The following DEF6 variants were observed in gnomAD, a reference collection of about 807,000 sequenced individuals.
The protein encoded by DEF6 is DEF6 guanine nucleotide exchange factor.
Under a neutral mutation model 80.5 loss-of-function variants are expected in DEF6, and 32 were observed. That is an observed-to-expected ratio of 0.40 (90% confidence interval 0.30 to 0.53). The LOEUF (loss-of-function observed/expected upper bound fraction) is 0.53, where lower values mean the gene tolerates loss of function less well. Among genes scored for constraint, DEF6 ranks in the 20% least tolerant of loss-of-function variants. DEF6 has a pLI of 0.57. For synonymous variants in DEF6, 300 were observed against 337.9 expected (o/e 0.89, Z 1.23); for missense variants, 575 against 818.7 (o/e 0.70, Z 3.63).
At chr6:35,316,408 T>A (rs899166361) in intron 5 of DEF6, among the ~76,000 whole-genome samples, 1 of 152,196 alleles carries the variant, frequency 6.6e-6, no homozygotes, top group African/African-American at 2.4e-5. Context: ...TTCTCTTGCC[T>A]AATTGCTCTG....
At chr6:35,308,448 G>C (rs916931622) in intron 1 of DEF6, among the ~76,000 whole-genome samples, 1 of 151,884 alleles carries the variant, frequency 6.6e-6, no homozygotes, top group Non-Finnish European at 1.5e-5. Flanking sequence ...CGAGGTGGGC[G>C]GATCGCCTGA....
chr6:35,301,891 T>G (rs2150384692), intron 1 of DEF6, among the ~76,000 whole-genome samples: 1 of 152,212 alleles, frequency 6.6e-6, no homozygotes, highest in Non-Finnish European at 1.5e-5. Context: ...CACGCCCAGC[T>G]AATTTTTGTA....
chr6:35,318,246 C>T lies in DEF6; in HGVS notation c.990C>T (p.Arg330=), dbSNP rs191948544. ...SLHKDLKQKR[R]EQREQRERRR... ...ACAAGGACCTGAAGCAGAAACGGCG[C>T]GAGCAGCGGGAGCAGCGGGAGCGGC... Residue 330 remains arginine, a synonymous_variant, in exon 7 of 11, where the codon CGC becomes CGT. Transcript: ENST00000316637. The surrounding 1 kb of genome is among the most constrained non-coding windows in gnomAD (Gnocchi z 5.1). 8.7e-5 allele frequency: 139 copies of T among 1,592,534 alleles called. No individual in the cohort carries two copies. In the East Asian group the frequency reaches 2.5e-3, roughly 29 times the overall value.
At chr6:35,306,412 G>A (rs976018374) in intron 1 of DEF6, among the ~76,000 whole-genome samples, 10 of 151,590 alleles carry the variant, frequency 6.6e-5, no homozygotes, top group South Asian at 2.1e-4. Context: ...TCGGGAAGCC[G>A]AGGAAGGAGA....
In DEF6 at chr6:35,319,383, T is replaced by G; in HGVS notation, c.1216-141T>G. 1 of 608,120 alleles carries G rather than the reference T, an allele frequency of 1.6e-6. No homozygotes were observed. The highest frequency in any genetic ancestry group is 2.9e-6 in the Non-Finnish European group (1 of 344,754). 37.7% of individuals were successfully genotyped at this position (608,120 alleles called of 1,614,324 possible). ...TTCCAGTCAGGCTCTCAGAAAGGGGTCAGATCAGGAAACCCCAACATGAAG... is the reference window on the plus strand; with the variant it reads ...TTCCAGTCAGGCTCTCAGAAAGGGGGCAGATCAGGAAACCCCAACATGAAG... On this transcript the variant is annotated intron_variant, in intron 7 of 10. Coordinates refer to ENST00000316637, the MANE Select transcript of DEF6 (RefSeq NM_022047.4). This position sits in a 1 kb window ranked among gnomAD's most constrained non-coding sequence, Gnocchi z 4.5.
At chr6:35,307,392 G>A (rs560581535) in intron 1 of DEF6, among the ~76,000 whole-genome samples, 7 of 152,208 alleles carry the variant, frequency 4.6e-5, no homozygotes, top group East Asian at 3.9e-4. Flanking sequence ...GATTTGGAAC[G>A]CGTCTCAAAA....
At chr6:35,313,220 G>A (rs1414608260) in intron 5 of DEF6, 1 of 343,648 alleles carries the variant, frequency 2.9e-6, no homozygotes, top group African/African-American at 2.2e-5. Flanking sequence ...TAAAACACAA[G>A]CGTCTTTACT....
At chr6:35,315,824 C>G (rs1440515763) in intron 5 of DEF6, among the ~76,000 whole-genome samples, 2 of 145,306 alleles carry the variant, frequency 1.4e-5, no homozygotes, top group Non-Finnish European at 3.0e-5. Context: ...TTCATCAACT[C>G]TAACGGTTTT....
At position 35,312,673 on chromosome 6, in the gene DEF6, C is replaced by T. The variant is rs774536963; in HGVS notation, c.708C>T (p.Arg236=). Residue 236 remains arginine, a synonymous_variant, in exon 5 of 11, where the codon CGC becomes CGT. Coordinates refer to ENST00000316637, the MANE Select transcript of DEF6 (RefSeq NM_022047.4). The surrounding 1 kb of genome is among the most constrained non-coding windows in gnomAD (Gnocchi z 6.6). ...RGHLRRNWAE[R]WFQLQPSCLC... Reference sequence around the variant, plus strand: ...ACCTGAGAAGGAACTGGGCCGAACGCTGGTTCCAGCTGCAGCCCAGCTGCC... The same window carrying T: ...ACCTGAGAAGGAACTGGGCCGAACGTTGGTTCCAGCTGCAGCCCAGCTGCC... 3.1e-6 allele frequency: 5 copies of T among 1,613,694 alleles called. No homozygotes were observed. In the African/African-American group the frequency reaches 6.7e-5, roughly 22 times the overall value.
intron 9 of DEF6, 151 bp from the exon 10 acceptor site, chr6:35,320,733 A>C (rs1791580978): frequency 1.6e-6 from 1 of 640,176 alleles, no homozygotes; most frequent in African/African-American, 1.8e-5. Flanking sequence ...TCATGTATGT[A>C]TTAATAACTC....
intron 1 of DEF6, among the ~76,000 whole-genome samples, chr6:35,301,749 CAG>C (rs1364651025): frequency 1.9e-5 from 1 of 52,820 alleles, no homozygotes; most frequent in Non-Finnish European, 4.3e-5. Context: ...TTTTTTAAGA[CAG>C]AGTCTTGCTC....
intron 1 of DEF6, among the ~76,000 whole-genome samples, chr6:35,303,898 C>T (rs1183924367): frequency 6.6e-6 from 1 of 151,510 alleles, no homozygotes; most frequent in Non-Finnish European, 1.5e-5. Context: ...TTTGGGAGGC[C>T]GAGGCGGGTG....
At chr6:35,307,820 C>T (rs895648432) in intron 1 of DEF6, among the ~76,000 whole-genome samples, 7 of 152,332 alleles carry the variant, frequency 4.6e-5, no homozygotes, top group Admixed American at 4.6e-4. Flanking sequence ...AGTCTCAATA[C>T]TTTCTCCCCC....
At chr6:35,314,237 A>G (rs1444239742) in intron 5 of DEF6, among the ~76,000 whole-genome samples, 1 of 151,900 alleles carries the variant, frequency 6.6e-6, no homozygotes, top group Non-Finnish European at 1.5e-5. Flanking sequence ...GTGAGACCCC[A>G]TCTCTACTAA....
chr6:35,298,018 G>A (rs1791262752), intron 1 of DEF6, 66 bp downstream of exon 1: 1 of 1,387,468 alleles, frequency 7.2e-7, no homozygotes, highest in African/African-American at 1.4e-5. Context: ...CCGCCTGGGA[G>A]CCAGGTGTGG....
Position 35,318,467 on chromosome 6 carries a change from A to T in DEF6, c.1211A>T (p.Glu404Val), listed in dbSNP as rs1235483725. 7 of 1,424,144 alleles carry T rather than the reference A, an allele frequency of 4.9e-6. No homozygotes were observed. Among genetic ancestry groups the T allele is most frequent in the Non-Finnish European group, 6.4e-6 (7 of 1,097,538 alleles). The allele number at this position is 1,424,144 out of a possible 1,614,324, so 88.2% of individuals were successfully genotyped here. A position where few individuals can be genotyped will look rare whatever the true frequency, so the allele number is the denominator to read the frequency against. ...QALEGQLREA[E>V]QARASMQAEM... ...CTCGAGGGCCAACTGCGCGAGGCGG[A>T]GCAGGTGGGGTTAGCTCCCGGCGCC... The change falls in exon 7 of 11, where the codon GAG becomes GTG. Residue 404 changes from glutamate (E) to valine (V), a missense_variant. Coordinates refer to ENST00000316637, the MANE Select transcript of DEF6 (RefSeq NM_022047.4). The surrounding 1 kb of genome is among the most constrained non-coding windows in gnomAD (Gnocchi z 5.1).
intron 1 of DEF6, among the ~76,000 whole-genome samples, chr6:35,298,267 G>A (rs1346358950): frequency 6.6e-6 from 1 of 152,250 alleles, no homozygotes; most frequent in East Asian, 1.9e-4. Context: ...CCCAGACTCT[G>A]TGTGATGAGC....
intron 1 of DEF6, among the ~76,000 whole-genome samples, chr6:35,300,700 G>A (rs1300048294): frequency 2.0e-5 from 3 of 152,208 alleles, no homozygotes; most frequent in Non-Finnish European, 4.4e-5. Flanking sequence ...GATGGATTTA[G>A]GTTGAACACA....
chr6:35,312,322 G>C lies in DEF6; in HGVS notation c.444G>C (p.Lys148Asn). 1 of 1,614,002 alleles carries C rather than the reference G, an allele frequency of 6.2e-7. No homozygotes were observed. Residue 148 changes from lysine (K) to asparagine (N), a missense_variant, in exon 4 of 11, where the codon AAG (lysine) becomes AAC (asparagine). Coordinates refer to ENST00000316637, the MANE Select transcript of DEF6 (RefSeq NM_022047.4). The surrounding 1 kb of genome is among the most constrained non-coding windows in gnomAD (Gnocchi z 6.6). The stretch of plus-strand genomic sequence containing the variant: ...TCCAGGTGGAATACCTGCTGAAAAA[G>C]GTACTCAGCAGCATGAGCTTGGAGG... ...VPDEVEYLLK[K>N]VLSSMSLEVS...
Sources: gnomAD v4.1 joint callset for allele counts (sites outside exome capture counted in the v4.1 genomes callset) on GRCh38, gnomAD v4.1.1 for gene constraint, Gnocchi (gnomAD v3.1) non-coding constraint, MANE v1.5 for transcripts, NCBI Gene and HGNC (gene_info 2026-07-23, HGNC 2026-07-21) for gene names.